UGT1A5: variants seen among roughly 807,000 people sequenced by gnomAD.
UGT1A5 encodes UDP-glucuronosyltransferase 1A5.
In UGT1A5, 29 loss-of-function variants were observed where a neutral mutation model predicts 40.3. The observed-to-expected ratio is 0.72, with a 90% CI of 0.54 to 0.98. UGT1A5 has a LOEUF of 0.98. Ranked by LOEUF, UGT1A5 falls within the 50% of genes least tolerant of loss-of-function variation. UGT1A5 has a pLI of 0.00. For synonymous variants in UGT1A5, 257 were observed against 262.5 expected (o/e 0.98, Z 0.20); for missense variants, 678 against 677.9 (o/e 1.00, Z 0.00).
At chr2:233,719,798 T>C (rs2125672120) in intron 1 of UGT1A5, 1 of 1,604,450 alleles carries the variant, frequency 6.2e-7, no homozygotes, top group Non-Finnish European at 8.5e-7. Flanking sequence ...GATTTTATTT[T>C]GGCTTCTTTA....
At chr2:233,722,092 G>C (rs2076989612) in intron 1 of UGT1A5, 1 of 213,864 alleles carries the variant, frequency 4.7e-6, no homozygotes, top group African/African-American at 2.3e-5. Context: ...GATCACCTTA[G>C]GCCTCTTAGA....
At chr2:233,746,981 C>T (rs1456419119) in intron 1 of UGT1A5, among the ~76,000 whole-genome samples, 1 of 151,772 alleles carries the variant, frequency 6.6e-6, no homozygotes, top group Non-Finnish European at 1.5e-5. Flanking sequence ...AGAGCGAGCG[C>T]AGGGTCAGAT....
At chr2:233,724,307 C>T (rs2077214825) in intron 1 of UGT1A5, among the ~76,000 whole-genome samples, 2 of 146,966 alleles carry the variant, frequency 1.4e-5, no homozygotes, top group African/African-American at 2.5e-5. Flanking sequence ...CCACCTCCCT[C>T]CCGGACGGGG....
In UGT1A5 at chr2:233,769,703, A is replaced by G. The variant is rs1416273085; in HGVS notation, c.1307+1264A>G. 46 of 1,521,058 alleles carry G rather than the reference A, an allele frequency of 3.0e-5. No individual in the cohort carries two copies. Among genetic ancestry groups the G allele is most frequent in the Non-Finnish European group, 3.6e-5 (41 of 1,133,112 alleles). 94.2% of individuals were successfully genotyped at this position (1,521,058 alleles called of 1,614,324 possible). A position where few individuals can be genotyped will look rare whatever the true frequency, so the allele number is the denominator to read the frequency against. ...TGTGGTGGCACTGGATAAAAGATCA[A>G]TGTTGGCTAGGCACCATGGCACACG... On this transcript the variant is annotated intron_variant, in intron 4 of 4. Coordinates refer to ENST00000373414, the MANE Select transcript of UGT1A5 (RefSeq NM_019078.2). The surrounding 1 kb of genome is among the most constrained non-coding windows in gnomAD (Gnocchi z 4.4).
chr2:233,724,866 G>A (rs1361964524), intron 1 of UGT1A5, among the ~76,000 whole-genome samples: 1 of 128,896 alleles, frequency 7.8e-6, no homozygotes, highest in Non-Finnish European at 1.6e-5. Flanking sequence ...GGTGTAGGTT[G>A]TAGTGAGCGG....
At chr2:233,756,874 G>C (rs1221596581) in intron 1 of UGT1A5, among the ~76,000 whole-genome samples, 1 of 152,098 alleles carries the variant, frequency 6.6e-6, no homozygotes, top group Non-Finnish European at 1.5e-5. Context: ...GGTATTAGGT[G>C]TAATGAGGAT....
At chr2:233,764,109 T>C (rs1698482048) in intron 1 of UGT1A5, among the ~76,000 whole-genome samples, 2 of 152,214 alleles carry the variant, frequency 1.3e-5, no homozygotes, top group African/African-American at 2.4e-5. Flanking sequence ...TACAAAATTC[T>C]TGGTAAAGTT....
At chr2:233,763,024 G>T (rs187872342) in intron 1 of UGT1A5, among the ~76,000 whole-genome samples, 17 of 152,244 alleles carry the variant, frequency 1.1e-4, no homozygotes, top group Middle Eastern at 3.4e-3. Flanking sequence ...CATTATGTTA[G>T]CCATTGTTTT....
intron 1 of UGT1A5, chr2:233,754,389 C>A: frequency 3.3e-6 from 1 of 302,106 alleles, no homozygotes; most frequent in Non-Finnish European, 6.5e-6. Context: ...AAACAGAGGT[C>A]CTATCCGTGC....
intron 1 of UGT1A5, among the ~76,000 whole-genome samples, chr2:233,763,677 A>G (rs934617457): frequency 6.6e-6 from 1 of 152,232 alleles, no homozygotes; most frequent in Non-Finnish European, 1.5e-5. Flanking sequence ...AACTTTAAGA[A>G]TAAAGATAAA....
At chr2:233,760,188 C>T (rs1697341455) in intron 1 of UGT1A5, 3 of 1,563,658 alleles carry the variant, frequency 1.9e-6, no homozygotes, top group East Asian at 2.3e-5. Flanking sequence ...TTTATAGTCA[C>T]GTGACACAGT....
At chr2:233,715,946 TTGACTGAC>T (rs1026670441) in intron 1 of UGT1A5, among the ~76,000 whole-genome samples, 1 of 152,220 alleles carries the variant, frequency 6.6e-6, no homozygotes, top group African/African-American at 2.4e-5. Flanking sequence ...TTGTGGTTTG[TTGACTGAC>T]TGACTGATTG....
In UGT1A5 at chr2:233,748,281, A is replaced by G. The variant is rs187598208; in HGVS notation, c.868-18753A>G. 1.2e-3 allele frequency among the ~76,000 whole-genome samples: 189 copies of G among 151,888 alleles called. 5 individuals are homozygous for G. The highest frequency in any genetic ancestry group is 4.3e-3 in the African/African-American group (178 of 41,188). ...TTAAATGGTCAATGAGAGGAAGAAG[A>G]GGCAGACATGAATGTTTATCAAAGG... On this transcript the variant is annotated intron_variant, in intron 1 of 4. Coordinates refer to ENST00000373414, the MANE Select transcript of UGT1A5 (RefSeq NM_019078.2).
At chr2:233,758,920 TC>T (rs1167539865) in intron 1 of UGT1A5, among the ~76,000 whole-genome samples, 7 of 152,264 alleles carry the variant, frequency 4.6e-5, no homozygotes, top group African/African-American at 1.7e-4. Flanking sequence ...TGCTCATCTT[TC>T]CCTTTTGACT....
intron 1 of UGT1A5, chr2:233,719,609 G>A (rs758434623): frequency 1.2e-5 from 19 of 1,613,894 alleles, no homozygotes; most frequent in East Asian, 2.2e-5. Flanking sequence ...ACTTTGTGAT[G>A]GACTACCCCA....
chr2:233,747,406 T>C (rs111706856), intron 1 of UGT1A5: 83,939 of 1,606,544 alleles, frequency 0.052, 2,713 homozygotes, highest in Non-Finnish European at 0.063. Flanking sequence ...ACCCCAGAGG[T>C]GAATATGCAC....
At chr2:233,748,424 C>G (rs1693941657) in intron 1 of UGT1A5, among the ~76,000 whole-genome samples, 1 of 151,772 alleles carries the variant, frequency 6.6e-6, no homozygotes, top group Non-Finnish European at 1.5e-5. Flanking sequence ...CTTGACCCAT[C>G]TGGATTTTTT....
At chr2:233,760,916 T>G (rs1345834782) in intron 1 of UGT1A5, 6 of 1,614,048 alleles carry the variant, frequency 3.7e-6, no homozygotes, top group African/African-American at 2.7e-5. Flanking sequence ...CTGCAGCGGG[T>G]GAAGAACATG....
rs1392909464 is a variant in UGT1A5 at position 233,754,916 on chromosome 2, C to T, written c.868-12118C>T. 5.9e-6 allele frequency: 8 copies of T among 1,353,400 alleles called. No homozygotes were observed. The Admixed American group carries it at 9.5e-5, about 16-fold the overall frequency. The allele number at this position is 1,353,400 out of a possible 1,614,324, so 83.8% of individuals were successfully genotyped here. On this transcript the variant is annotated intron_variant, in intron 1 of 4. Coordinates refer to ENST00000373414, the MANE Select transcript of UGT1A5 (RefSeq NM_019078.2). ...TCTGACCCCCCAAAATATTCTCCAG[C>T]GGGTTTCCCAAGAGGTCAAAGGAGA...
Sources: gnomAD v4.1 joint callset for allele counts (sites outside exome capture counted in the v4.1 genomes callset) on GRCh38, gnomAD v4.1.1 for gene constraint, Gnocchi (gnomAD v3.1) non-coding constraint, MANE v1.5 for transcripts, NCBI Gene and HGNC (gene_info 2026-07-23, HGNC 2026-07-21) for gene names.